Variants in OR9Q1 observed in about 807,000 individuals in gnomAD.
OR9Q1 encodes the protein olfactory receptor family 9 subfamily Q member 1, also known as olfactory receptor 9Q1.
For missense variants in OR9Q1, 374 were observed against 378.8 expected (o/e 0.99, Z 0.11); for synonymous variants, 153 against 148.6 (o/e 1.03, Z -0.22).
intron 2 of OR9Q1, among the ~76,000 whole-genome samples, chr11:58,103,677 T>A (rs531665581): frequency 1.3e-5 from 2 of 152,366 alleles, no homozygotes; most frequent in South Asian, 2.1e-4. Flanking sequence ...TTAATGTTTC[T>A]CATGCTGCTA....
intron 1 of OR9Q1, among the ~76,000 whole-genome samples, chr11:58,048,512 AAT>A (rs1265203360): frequency 2.7e-5 from 4 of 150,432 alleles, no homozygotes; most frequent in Non-Finnish European, 3.0e-5. Context: ...AAAAAAAAAA[AAT>A]AGCCGGGCAT....
intron 1 of OR9Q1, among the ~76,000 whole-genome samples, chr11:58,034,746 C>CCTTCCTTCCTTCCTTT (rs1853080295): frequency 1.5e-5 from 2 of 134,434 alleles, no homozygotes; most frequent in African/African-American, 5.6e-5. Flanking sequence ...TTCCTTCCTT[C>CCTTCCTTCCTTCCTTT]CTTCCTTCCT....
At chr11:58,087,092 A>G (rs2120055561) in intron 2 of OR9Q1, among the ~76,000 whole-genome samples, 1 of 151,968 alleles carries the variant, frequency 6.6e-6, no homozygotes, top group South Asian at 2.1e-4. Context: ...GTATCAAAAC[A>G]CCACATTGTA....
chr11:58,101,834 C>T (rs370416781), intron 2 of OR9Q1, among the ~76,000 whole-genome samples: 9 of 152,172 alleles, frequency 5.9e-5, no homozygotes, highest in Non-Finnish European at 1.2e-4. Flanking sequence ...GCAACTTCCG[C>T]CTCCCAGGTT....
At chr11:58,147,712 G>A (rs7928296) in intron 2 of OR9Q1, among the ~76,000 whole-genome samples, 26,332 of 152,050 alleles carry the variant, frequency 0.17, 2,418 homozygotes, top group Non-Finnish European at 0.21. Context: ...TCTGATTAAC[G>A]TAAAAAAACA....
chr11:58,043,660 C>T (rs895861508), intron 1 of OR9Q1, among the ~76,000 whole-genome samples: 4 of 152,170 alleles, frequency 2.6e-5, no homozygotes, highest in Non-Finnish European at 5.9e-5. Flanking sequence ...TGCTTCATTG[C>T]CTTTGAAACC....
In OR9Q1 at chr11:58,180,202, C is replaced by T; in HGVS notation, c.758C>T (p.Thr253Ile). The T allele has an allele frequency of 6.2e-7, 1 of 1,614,010 alleles. No individual in the cohort carries two copies. The highest frequency in any genetic ancestry group is 8.5e-7 in the Non-Finnish European group (1 of 1,179,952). The change falls in exon 3 of 3, where the codon ACC becomes ATC. Residue 253 changes from threonine to isoleucine, a missense_variant. Physicochemically the swap from Thr to Ile is moderately conservative, Grantham distance 89. Transcript: ENST00000335397. ...ACTGCTGTGTCACTCTTCTTTGGTA[C>T]CCTCATCTTCATGTACTTGAGAGGT... ...HLTAVSLFFGTLIFMYLRGNS... is the reference protein window; with the variant it reads ...HLTAVSLFFGILIFMYLRGNS...
intron 2 of OR9Q1, among the ~76,000 whole-genome samples, chr11:58,076,800 A>T (rs1478765226): frequency 6.6e-6 from 1 of 152,188 alleles, no homozygotes; most frequent in Non-Finnish European, 1.5e-5. Flanking sequence ...GAACAGTTTT[A>T]AAATCAATGA....
At chr11:58,058,892 C>T (rs563666617) in intron 2 of OR9Q1, among the ~76,000 whole-genome samples, 9 of 152,122 alleles carry the variant, frequency 5.9e-5, no homozygotes, top group African/African-American at 1.4e-4. Context: ...GGGCACTGTG[C>T]GGAGGAAGGA....
At chr11:58,130,907 A>G (rs4506674) in intron 2 of OR9Q1, among the ~76,000 whole-genome samples, 2 of 152,232 alleles carry the variant, frequency 1.3e-5, no homozygotes, top group Admixed American at 6.5e-5. Context: ...ATAATAGGAC[A>G]TAATTATTAA....
intron 2 of OR9Q1, among the ~76,000 whole-genome samples, chr11:58,165,313 T>C (rs1854490647): frequency 6.6e-6 from 1 of 152,240 alleles, no homozygotes; most frequent in Non-Finnish European, 1.5e-5. Flanking sequence ...AAATTGTGTT[T>C]CTTCCAGAAG....
chr11:58,034,555 C>T (rs1183404965), intron 1 of OR9Q1, among the ~76,000 whole-genome samples: 2 of 152,138 alleles, frequency 1.3e-5, no homozygotes, highest in East Asian at 3.9e-4. Flanking sequence ...ATAGTCACAC[C>T]TATATGTATC....
intron 1 of OR9Q1, among the ~76,000 whole-genome samples, chr11:58,046,455 G>A (rs929677788): frequency 6.6e-6 from 1 of 152,160 alleles, no homozygotes; most frequent in Admixed American, 6.5e-5. Flanking sequence ...TTATCATAGA[G>A]GTATGTGAAA....
intron 1 of OR9Q1, among the ~76,000 whole-genome samples, chr11:58,026,091 C>G (rs948487872): frequency 1.3e-5 from 2 of 152,200 alleles, no homozygotes; most frequent in African/African-American, 4.8e-5. Flanking sequence ...TCTGTTCTAA[C>G]CCTTGAGTAC....
chr11:58,130,754 C>T (rs1192280114), intron 2 of OR9Q1, among the ~76,000 whole-genome samples: 2 of 151,744 alleles, frequency 1.3e-5, no homozygotes, highest in East Asian at 3.9e-4. Flanking sequence ...TTGCAGTGAA[C>T]TGAGATCACG....
At chr11:58,148,976 G>A (rs187780352) in intron 2 of OR9Q1, among the ~76,000 whole-genome samples, 272 of 152,234 alleles carry the variant, frequency 1.8e-3, no homozygotes, top group African/African-American at 5.9e-3. Flanking sequence ...TTCAAAAATC[G>A]TGAGGTTTTC....
chr11:58,176,777 C>A (rs571230572), intron 2 of OR9Q1, among the ~76,000 whole-genome samples: 2 of 152,152 alleles, frequency 1.3e-5, no homozygotes, highest in South Asian at 4.2e-4. Context: ...ACTGTGGCTC[C>A]AGGAGATTTG....
chr11:58,137,426 C>T (rs1234220170), intron 2 of OR9Q1, among the ~76,000 whole-genome samples: 1 of 152,138 alleles, frequency 6.6e-6, no homozygotes, highest in Non-Finnish European at 1.5e-5. Flanking sequence ...GCAGATAAGA[C>T]ATGAAGAATA....
At chr11:58,058,050 C>T (rs1853344391) in intron 2 of OR9Q1, among the ~76,000 whole-genome samples, 5 of 152,186 alleles carry the variant, frequency 3.3e-5, no homozygotes, top group Admixed American at 3.3e-4. Flanking sequence ...TTTCATTAGG[C>T]CACACTGCCT....
Sources: gnomAD v4.1 joint callset for allele counts (sites outside exome capture counted in the v4.1 genomes callset) on GRCh38, gnomAD v4.1.1 for gene constraint, MANE v1.5 for transcripts, NCBI Gene and HGNC (gene_info 2026-07-23, HGNC 2026-07-21) for gene names.